The following OSGIN2 variants were observed in gnomAD, a reference collection of about 807,000 sequenced individuals.
OSGIN2 encodes the protein oxidative stress-induced growth inhibitor 2.
A neutral mutation model predicts 53.8 loss-of-function variants in OSGIN2; 19 were observed. The ratio of observed to expected loss-of-function variants is 0.35; its 90% CI spans 0.25 to 0.52. The LOEUF is 0.52. Among genes scored for constraint, OSGIN2 ranks in the 20% least tolerant of loss-of-function variants. The probability of loss-of-function intolerance (pLI) is 0.95; values close to 1 mark genes in which losing one functional copy is unlikely to be tolerated. For synonymous variants in OSGIN2, 236 were observed against 236.0 expected (o/e 1.00, Z 0.00); for missense variants, 520 against 662.7 (o/e 0.78, Z 2.36).
chr8:89,914,175 A>C lies in OSGIN2; in HGVS notation c.298A>C (p.Lys100Gln). The C allele has an allele frequency of 6.2e-7, 1 of 1,603,458 alleles. No homozygotes were observed. Among genetic ancestry groups the C allele is most frequent in the Non-Finnish European group, 8.5e-7 (1 of 1,171,024 alleles). The change falls in exon 3 of 6, where the codon AAA (lysine) becomes CAA (glutamine). Residue 100 changes from lysine to glutamine, a missense_variant. Coordinates refer to ENST00000451899, the MANE Select transcript of OSGIN2 (RefSeq NM_001126111.3). ...AIHPNTILNS[K>Q]LEEARHLSIV... ...ACACCCAAATACAATCTTAAATAGT[A>C]AATTAGAAGAAGCAAGACATCTTTC...
intron 1 of OSGIN2, among the ~76,000 whole-genome samples, chr8:89,909,037 A>AAAAAAAAAATATAAATAT (rs1554550040): frequency 1.2e-5 from 1 of 84,902 alleles, no homozygotes; most frequent in African/African-American, 7.2e-5. Context: ...AAAAAAAAAA[A>AAAAAAAAAATATAAATAT]ATATATATAT....
chr8:89,925,425 G>C lies in OSGIN2; in HGVS notation c.1543G>C (p.Val515Leu). ...GGGTCCTTTGGTTGGAGACAATTTT[G>C]TTCGATTTTTAAAGGGAGGGGCGCT... ...ALGPLVGDNF[V>L]RFLKGGALGV... is the part of the protein sequence containing the mutation. The change falls in exon 6 of 6, where the codon GTT becomes CTT. Residue 515 changes from valine (V) to leucine (L), a missense_variant. By Grantham distance (32) the Val-to-Leu change is conservative. Coordinates refer to ENST00000451899, the MANE Select transcript of OSGIN2 (RefSeq NM_001126111.3). The C allele has an allele frequency of 1.2e-6, 2 of 1,614,120 alleles. No individual in the cohort carries two copies. Among genetic ancestry groups the C allele is most frequent in the Non-Finnish European group, 1.7e-6 (2 of 1,179,984 alleles).
chr8:89,922,590 G>C (rs1326633298), intron 5 of OSGIN2, among the ~76,000 whole-genome samples: 1 of 152,184 alleles, frequency 6.6e-6, no homozygotes, highest in African/African-American at 2.4e-5. Context: ...TTTGTATAAA[G>C]AGAAGACTCT....
intron 2 of OSGIN2, among the ~76,000 whole-genome samples, chr8:89,911,544 C>T (rs981755734): frequency 2.7e-5 from 4 of 147,556 alleles, no homozygotes; most frequent in South Asian, 2.2e-4. Context: ...GCAGGAGGAT[C>T]GCCTGAACCC....
intron 1 of OSGIN2, among the ~76,000 whole-genome samples, chr8:89,908,071 G>A (rs1429266747): frequency 6.6e-6 from 1 of 152,134 alleles, no homozygotes; most frequent in Non-Finnish European, 1.5e-5. Flanking sequence ...ATACTTTGGA[G>A]AAATACCAGG....
chr8:89,915,991 A>G (rs1460606537), intron 4 of OSGIN2, among the ~76,000 whole-genome samples: 4 of 152,180 alleles, frequency 2.6e-5, no homozygotes, highest in African/African-American at 7.2e-5. Context: ...TTTAGAGTGT[A>G]TAATTTGACA....
In OSGIN2 at chr8:89,914,108, T is replaced by C. The variant is rs745873561; in HGVS notation, c.231T>C (p.Tyr77=). Residue 77 remains tyrosine, a synonymous_variant, in exon 3 of 6, where the codon TAT becomes TAC. Coordinates refer to ENST00000451899, the MANE Select transcript of OSGIN2 (RefSeq NM_001126111.3). Reference sequence around the variant, plus strand: ...GACCCTCAGGAATATGCCTTTCTTATATGTTATCAGGCTACAGACCGTATT... The same window carrying C: ...GACCCTCAGGAATATGCCTTTCTTACATGTTATCAGGCTACAGACCGTATT... ...GNGPSGICLS[Y]MLSGYRPYLS... 8.1e-6 allele frequency: 13 copies of C among 1,610,706 alleles called. No homozygotes were observed. Among genetic ancestry groups the C allele is most frequent in the East Asian group, 2.2e-5 (1 of 44,782 alleles).
rs1239261554 is a variant in OSGIN2, at chr8:89,909,734, A to C, written c.199+13A>C. 1.3e-6 allele frequency: 2 copies of C among 1,537,058 alleles called. No individual in the cohort carries two copies. Among genetic ancestry groups the C allele is most frequent in the Non-Finnish European group, 1.8e-6 (2 of 1,121,224 alleles). ...GTGGTAATAATAGGTAAGTTATTGTATTTTATCTTTTAAAATTATAGTTAA... is the reference window on the plus strand; with the variant it reads ...GTGGTAATAATAGGTAAGTTATTGTCTTTTATCTTTTAAAATTATAGTTAA... On this transcript the variant is annotated intron_variant, in intron 2 of 5. Coordinates refer to ENST00000451899, the MANE Select transcript of OSGIN2 (RefSeq NM_001126111.3).
At chr8:89,914,809 T>C in intron 4 of OSGIN2, 63 bp downstream of exon 4, 1 of 1,129,848 alleles carries the variant, frequency 8.9e-7, no homozygotes, top group Non-Finnish European at 1.3e-6. Context: ...AGACCAACTT[T>C]ATTCTTAAGC....
intron 1 of OSGIN2, among the ~76,000 whole-genome samples, 177 bp from the exon 2 acceptor site, chr8:89,909,390 T>G (rs1244196948): frequency 3.9e-5 from 6 of 152,178 alleles, no homozygotes; most frequent in African/African-American, 1.4e-4. Context: ...CAAGTTGGTA[T>G]AGGTTGACAT....
rs1314703313 is a variant in OSGIN2, at chr8:89,925,532, A to C, written c.1650A>C (p.Ter550TyrextTer7). The C allele has an allele frequency of 6.2e-7, 1 of 1,608,664 alleles. No individual in the cohort carries two copies. Among genetic ancestry groups the C allele is most frequent in the Non-Finnish European group, 8.5e-7 (1 of 1,177,028 alleles). ...VERGGGDGIA[*>Y] ...GAGGAGGAGGAGATGGGATAGCTTA[A>C]AGCAAGTTTACAAGTAATTAAAATG... is the stretch of plus-strand genomic sequence containing the variant. Residue 550 changes from the stop codon to tyrosine (Y), a stop_lost, in exon 6 of 6, where the codon TAA becomes TAC. Coordinates refer to ENST00000451899, the MANE Select transcript of OSGIN2 (RefSeq NM_001126111.3).
At chr8:89,906,291 T>TA (rs1172226060) in intron 1 of OSGIN2, among the ~76,000 whole-genome samples, 1 of 152,160 alleles carries the variant, frequency 6.6e-6, no homozygotes, top group African/African-American at 2.4e-5. Context: ...CTGATGAGCT[T>TA]AAAAAAATGG....
At chr8:89,919,069 T>C (rs1030898061) in intron 4 of OSGIN2, among the ~76,000 whole-genome samples, 2 of 152,232 alleles carry the variant, frequency 1.3e-5, no homozygotes, top group African/African-American at 2.4e-5. Context: ...ATCTAACATA[T>C]AGTATGTAGA....
chr8:89,902,069 G>A (rs1438198539), upstream of OSGIN2: 2 of 152,462 alleles, frequency 1.3e-5, no homozygotes, highest in East Asian at 1.9e-4. Context: ...GTCAGCGGGA[G>A]AGGCACCCGG....
At chr8:89,907,004 C>T (rs1056844908) in intron 1 of OSGIN2, among the ~76,000 whole-genome samples, 6 of 152,112 alleles carry the variant, frequency 3.9e-5, no homozygotes, top group Non-Finnish European at 5.9e-5. Flanking sequence ...TTTTGATTTG[C>T]GTTTCTCTAA....
In OSGIN2 at chr8:89,925,110, T is replaced by C. The variant is rs774951193; in HGVS notation, c.1228T>C (p.Ser410Pro). ...TCATATGATGTGTACTCAGTCATAT[T>C]CTGTAGACTCAAATCTTTTATCTGA... is the stretch of plus-strand genomic sequence containing the variant. ...VYHMMCTQSY[S>P]VDSNLLSDYT... Residue 410 changes from serine to proline, a missense_variant, in exon 6 of 6, where the codon TCT (serine) becomes CCT (proline). By Grantham distance (74) the Ser-to-Pro change is moderately conservative. This residue lies in a region of OSGIN2 where 239 missense variants were observed against 328.3 expected (regional missense o/e 0.73). Transcript: ENST00000451899. 4.3e-6 allele frequency: 7 copies of C among 1,613,960 alleles called. No individual in the cohort carries two copies. In the African/African-American group the frequency reaches 6.7e-5, roughly 15 times the overall value.
chr8:89,921,265 G>A, intron 5 of OSGIN2, 94 bp downstream of exon 5: 2 of 686,412 alleles, frequency 2.9e-6, no homozygotes, highest in Non-Finnish European at 5.1e-6. Context: ...CATGGCTGAA[G>A]AATATAAATG....
At chr8:89,920,703 T>G (rs1809180012) in intron 4 of OSGIN2, among the ~76,000 whole-genome samples, 1 of 152,210 alleles carries the variant, frequency 6.6e-6, no homozygotes. Context: ...TTAATGAACA[T>G]TTTTCCTTTT....
intron 1 of OSGIN2, among the ~76,000 whole-genome samples, chr8:89,905,675 G>T (rs1379521678): frequency 6.6e-6 from 1 of 152,184 alleles, no homozygotes; most frequent in Non-Finnish European, 1.5e-5. Flanking sequence ...GTTTATCACA[G>T]AGTTTATACC....
Sources: allele counts gnomAD v4.1 joint callset (sites outside exome capture counted in the v4.1 genomes callset), GRCh38; gene constraint gnomAD v4.1.1; regional missense constraint gnomAD v4.1.1; transcripts MANE v1.5; gene names NCBI Gene and HGNC (gene_info 2026-07-23, HGNC 2026-07-21).